The following SON variants were observed in gnomAD, a reference collection of about 807,000 sequenced individuals.
SON encodes the protein SON DNA and RNA binding protein.
In SON, 4 loss-of-function variants were observed where a neutral mutation model predicts 173.3. The ratio of observed to expected loss-of-function variants is 0.02; its 90% CI spans 0.01 to 0.05. The LOEUF is 0.05. SON is among the 10% of genes least tolerant of loss of function. The pLI is 1.00. For missense variants in SON, 2,626 were observed against 3,055.3 expected (o/e 0.86, Z 3.31); for synonymous variants, 1,190 against 1,105.9 (o/e 1.08, Z -1.51).
At position 33,546,315 on chromosome 21, in the gene SON, A is replaced by C; in HGVS notation, c.180A>C (p.Glu60Asp). The change falls in exon 2 of 12, where the codon GAA becomes GAC. Residue 60 changes from glutamate (E) to aspartate (D), a missense_variant. Coordinates refer to ENST00000356577, the MANE Select transcript of SON (RefSeq NM_138927.4). The stretch of plus-strand genomic sequence containing the variant: ...CTGCCAGGAGTCTACCAAATGAAGA[A>C]ATAGTGCAGAAGATAGAGGAAGTAC... ...AASARSLPNE[E>D]IVQKIEEVLS... The C allele has an allele frequency of 6.2e-7, 1 of 1,613,804 alleles. No homozygotes were observed. Among genetic ancestry groups the C allele is most frequent in the Non-Finnish European group, 8.5e-7 (1 of 1,179,822 alleles).
chr21:33,574,580 T>C (rs762653517), intron 9 of SON, among the ~76,000 whole-genome samples: 1 of 152,196 alleles, frequency 6.6e-6, no homozygotes, highest in South Asian at 2.1e-4. Flanking sequence ...CAGAAAACTT[T>C]TTGAATACTG....
chr21:33,556,662 C>G (rs2085972410), intron 3 of SON, among the ~76,000 whole-genome samples: 1 of 148,322 alleles, frequency 6.7e-6, no homozygotes, highest in Non-Finnish European at 1.5e-5. Context: ...TGCAGTGAGC[C>G]AAGATGGCGC....
At chr21:33,557,931 A>G (rs968896486) in intron 4 of SON, 29 of 194,830 alleles carry the variant, frequency 1.5e-4, no homozygotes, top group Non-Finnish European at 2.1e-4. Context: ...GATCTTTTCA[A>G]TTGAGGCTTT....
In SON at chr21:33,551,469, A is replaced by G. The variant is rs1051459874; in HGVS notation, c.2238A>G (p.Leu746=). 6.2e-7 allele frequency: 1 copy of G among 1,614,032 alleles called. No individual in the cohort carries two copies. Among genetic ancestry groups the G allele is most frequent in the African/African-American group, 1.3e-5 (1 of 74,912 alleles). ...CCAACACCATGGACTCCCAGATGCT[A>G]GCATCCAACACCATGGACTCCCAGA... The part of the protein sequence containing the change: ...LASNTMDSQM[L]ASNTMDSQML... Residue 746 remains leucine (L), a synonymous_variant, in exon 3 of 12, where the codon CTA becomes CTG. Coordinates refer to ENST00000356577, the MANE Select transcript of SON (RefSeq NM_138927.4).
chr21:33,551,876 A>G lies in SON; in HGVS notation c.2645A>G (p.Asp882Gly). The G allele has an allele frequency of 6.2e-7, 1 of 1,614,068 alleles. No homozygotes were observed. Among genetic ancestry groups the G allele is most frequent in the Non-Finnish European group, 8.5e-7 (1 of 1,180,006 alleles). Reference protein sequence around the residue: ...DSQMLASGTMDAQMLASGTMD... With the variant: ...DSQMLASGTMGAQMLASGTMD... ...CAAATGTTAGCTTCTGGCACCATGGATGCTCAGATGTTAGCGTCTGGTACC... is the reference window on the plus strand; with the variant it reads ...CAAATGTTAGCTTCTGGCACCATGGGTGCTCAGATGTTAGCGTCTGGTACC... Residue 882 changes from aspartate to glycine, a missense_variant, in exon 3 of 12, where the codon GAT (aspartate) becomes GGT (glycine). Asp to Gly is a moderately conservative substitution (Grantham distance 94, BLOSUM62 -1). Transcript: ENST00000356577.
chr21:33,564,223 T>C lies in SON; in HGVS notation c.6658-2934T>C, dbSNP rs574213534. ...AACGACAGTTAAGATTCTAAAGCTC[T>C]ATTGTCCAATACAGCAGTTACCAGC... On this transcript the variant is annotated intron_variant, in intron 6 of 11. Coordinates refer to ENST00000356577, the MANE Select transcript of SON (RefSeq NM_138927.4). 2.0e-5 allele frequency among the ~76,000 whole-genome samples: 3 copies of C among 152,332 alleles called. No individual in the cohort carries two copies. In the East Asian group the frequency reaches 5.8e-4, roughly 29 times the overall value.
rs751893051 is a variant in SON, at chr21:33,551,973, TAGGTTAGCTCAGGATCCTTAC to T, written c.2760_2780del (p.Ala924_Leu930del). The T allele has an allele frequency of 4.2e-5, 67 of 1,613,770 alleles. No homozygotes were observed. Among genetic ancestry groups the T allele is most frequent in the Non-Finnish European group, 5.2e-5 (61 of 1,179,782 alleles). On this transcript the variant is annotated inframe_deletion, in exon 3 of 12. Transcript: ENST00000356577. ...TGGGTTCAAAATCTCCTGATCCCTA[TAGGTTAGCTCAGGATCCTTAC>T]AGGTTAGCTCAGGATCCCTATAGGT...
At position 33,561,949 on chromosome 21, in the gene SON, A is replaced by G. The variant is rs1055835270; in HGVS notation, c.6657+2174A>G. On this transcript the variant is annotated intron_variant, in intron 6 of 11. Transcript: ENST00000356577. ...CTCTTGTGGGACGATATATGTAACT[A>G]TTTGATATAAAACCTCTTTAAGCTG... Among the ~76,000 whole-genome samples the G allele has an allele frequency of 6.6e-5, 10 of 152,178 alleles. 1 individual carries two copies. Among genetic ancestry groups the G allele is most frequent in the African/African-American group, 2.4e-4 (10 of 41,408 alleles).
In SON at chr21:33,567,203, A is replaced by G. The variant is rs2086191348; in HGVS notation, c.6704A>G (p.Lys2235Arg). 1.9e-6 allele frequency: 3 copies of G among 1,612,616 alleles called. No individual in the cohort carries two copies. In the South Asian group the frequency reaches 3.3e-5, roughly 18 times the overall value. Residue 2235 changes from lysine to arginine, a missense_variant, in exon 7 of 12, where the codon AAA becomes AGA. Lys to Arg is a conservative substitution (Grantham distance 26, BLOSUM62 2). This residue lies in a region of SON where 75 missense variants were observed against 201.6 expected (regional missense o/e 0.37). Transcript: ENST00000356577. ...TAMSERALAQ[K>R]RLSENAFDLE... is the part of the protein sequence containing the mutation. The stretch of plus-strand genomic sequence containing the variant: ...ATGAGTGAACGGGCACTTGCTCAGA[A>G]AAGACTCAGTGAGAATGCATTTGAT...
At position 33,553,190 on chromosome 21, in the gene SON, A is replaced by C; in HGVS notation, c.3959A>C (p.His1320Pro). The change falls in exon 3 of 12, where the codon CAT (histidine) becomes CCT (proline). Residue 1320 changes from histidine (H) to proline (P), a missense_variant. Around this residue, in one of 13 missense-constraint regions of SON, gnomAD observed 1,006 missense variants for 895.6 expected, o/e 1.12. Transcript: ENST00000356577. Reference sequence around the variant, plus strand: ...TTTGATTCCATGAGAGCCTCAGGACATGTTGCCTCAGAAGTATCTACATCC... The same window carrying C: ...TTTGATTCCATGAGAGCCTCAGGACCTGTTGCCTCAGAAGTATCTACATCC... ...ETFDSMRASG[H>P]VASEVSTSLL... 1 of 1,614,150 alleles carries C rather than the reference A, an allele frequency of 6.2e-7. No homozygotes were observed. The highest frequency in any genetic ancestry group is 1.1e-5 in the South Asian group (1 of 91,086).
chr21:33,551,829 A>T lies in SON; in HGVS notation c.2598A>T (p.Leu866Phe). 1 of 1,613,854 alleles carries T rather than the reference A, an allele frequency of 6.2e-7. No homozygotes were observed. Among genetic ancestry groups the T allele is most frequent in the Non-Finnish European group, 8.5e-7 (1 of 1,180,016 alleles). The part of the protein sequence containing the change: ...LATSSMDSQM[L>F]ASGTMDSQML... ...CTAGCTCAATGGATTCCCAGATGTT[A>T]GCATCTGGCACTATGGACTCTCAAA... The change falls in exon 3 of 12, where the codon TTA (leucine) becomes TTT (phenylalanine). Residue 866 changes from leucine (L) to phenylalanine (F), a missense_variant. Leu to Phe is a conservative substitution (Grantham distance 22). Transcript: ENST00000356577.
At position 33,550,617 on chromosome 21, in the gene SON, G is replaced by T. The variant is rs768362575; in HGVS notation, c.1386G>T (p.Gly462=). ...ELPGLPAPSM[G]LEPPQEVPEP... ...CAGGGCTTCCAGCACCATCCATGGGGTTGGAGCCACCACAGGAGGTACCAG... is the reference window on the plus strand; with the variant it reads ...CAGGGCTTCCAGCACCATCCATGGGTTTGGAGCCACCACAGGAGGTACCAG... The change falls in exon 3 of 12, where the codon GGG becomes GGT. Residue 462 remains glycine, a synonymous_variant. Transcript: ENST00000356577. 5 of 1,613,762 alleles carry T rather than the reference G, an allele frequency of 3.1e-6. No individual in the cohort carries two copies. In the East Asian group the frequency reaches 1.1e-4, roughly 36 times the overall value.
In SON at chr21:33,555,201, T is replaced by C. The variant is rs528498338; in HGVS notation, c.5970T>C (p.Arg1990=). The C allele has an allele frequency of 1.5e-4, 229 of 1,565,592 alleles. 2 individuals carry two copies. Among genetic ancestry groups the C allele is most frequent in the Admixed American group, 1.1e-3 (62 of 56,096 alleles). ...GCCGCCGGAGCCGCACCCCTAGCCGTCGGAGCCGCACCCCAAGCCGCCGGA... is the reference window on the plus strand; with the variant it reads ...GCCGCCGGAGCCGCACCCCTAGCCGCCGGAGCCGCACCCCAAGCCGCCGGA... ...TPSRRSRTPS[R]RSRTPSRRRR... Residue 1990 remains arginine (R), a synonymous_variant, in exon 3 of 12, where the codon CGT becomes CGC. Transcript: ENST00000356577.
Position 33,553,525 on chromosome 21 carries a change from A to G in SON, c.4294A>G (p.Ile1432Val), listed in dbSNP as rs2085870578. Residue 1432 changes from isoleucine to valine, a missense_variant, in exon 3 of 12, where the codon ATT becomes GTT. Around this residue, in one of 13 missense-constraint regions of SON, gnomAD observed 1,006 missense variants for 895.6 expected, o/e 1.12. Transcript: ENST00000356577. ...GGTGTCAGTCCTTCAACCTTCTATG[A>G]TTGTTTCAGAACCATCTGTTTCTGT... Reference protein sequence around the residue: ...PAVSVLQPSMIVSEPSVSVQE... With the variant: ...PAVSVLQPSMVVSEPSVSVQE... The G allele has an allele frequency of 6.2e-7, 1 of 1,614,122 alleles. No individual in the cohort carries two copies. The highest frequency in any genetic ancestry group is 1.3e-5 in the African/African-American group (1 of 74,988).
Position 33,552,708 on chromosome 21 carries a change from G to A in SON, c.3477G>A (p.Pro1159=), listed in dbSNP as rs200914194. ...CTGAAGAGCCCCCAACAATGCCACC[G>A]TTGCCACCTGAGGAGCCACCAATGA... The part of the protein sequence containing the change: ...LPPEEPPTMP[P]LPPEEPPMTP... The change falls in exon 3 of 12, where the codon CCG becomes CCA. Residue 1159 remains proline (P), a synonymous_variant. Coordinates refer to ENST00000356577, the MANE Select transcript of SON (RefSeq NM_138927.4). The surrounding 1 kb of genome is among the most constrained non-coding windows in gnomAD (Gnocchi z 5.6). 89 of 1,613,810 alleles carry A rather than the reference G, an allele frequency of 5.5e-5. No individual in the cohort carries two copies. Among genetic ancestry groups the A allele is most frequent in the South Asian group, 1.6e-4 (15 of 91,066 alleles).
In SON at chr21:33,549,805, G is replaced by A. The variant is rs767827716; in HGVS notation, c.574G>A (p.Val192Ile). Residue 192 changes from valine (V) to isoleucine (I), a missense_variant, in exon 3 of 12, where the codon GTA becomes ATA. By Grantham distance (29) the Val-to-Ile change is conservative (BLOSUM62 3). Transcript: ENST00000356577. ...SPAVVLEPPV[V>I]SMEVSEPHIL... ...TGCAGTTGTGCTAGAACCTCCTGTAGTATCAATGGAGGTATCAGAGCCACA... is the reference window on the plus strand; with the variant it reads ...TGCAGTTGTGCTAGAACCTCCTGTAATATCAATGGAGGTATCAGAGCCACA... 1 of 1,614,096 alleles carries A rather than the reference G, an allele frequency of 6.2e-7. No individual in the cohort carries two copies. Among genetic ancestry groups the A allele is most frequent in the Admixed American group, 1.7e-5 (1 of 60,030 alleles).
intron 2 of SON, among the ~76,000 whole-genome samples, chr21:33,547,732 T>TG (rs2085655079): frequency 6.9e-6 from 1 of 144,206 alleles, no homozygotes; most frequent in African/African-American, 2.6e-5. Context: ...TTTTTTTTTT[T>TG]GAGACGGAGT....
chr21:33,554,047 A>G lies in SON; in HGVS notation c.4816A>G (p.Thr1606Ala), dbSNP rs757212275. The G allele has an allele frequency of 7.4e-6, 12 of 1,614,042 alleles. No individual in the cohort carries two copies. Among genetic ancestry groups the G allele is most frequent in the Admixed American group, 3.3e-5 (2 of 60,000 alleles). The change falls in exon 3 of 12, where the codon ACA becomes GCA. Residue 1606 changes from threonine to alanine, a missense_variant. Thr to Ala is a moderately conservative substitution (Grantham distance 58, BLOSUM62 0). This residue lies in a region of SON where 1,006 missense variants were observed against 895.6 expected (regional missense o/e 1.12). Coordinates refer to ENST00000356577, the MANE Select transcript of SON (RefSeq NM_138927.4). The stretch of plus-strand genomic sequence containing the variant: ...TCCTTTTGCTCTGGAACCTGATGCA[A>G]CAGGAACTAGTAAGGGTATTGAATT... ...TGPFALEPDA[T>A]GTSKGIEFTT... is the part of the protein sequence containing the mutation.
chr21:33,552,516 A>G lies in SON; in HGVS notation c.3285A>G (p.Ser1095=), dbSNP rs554664280. ...GTGCTGACCGGTCTATGATGTCGTC[A>G]TACTCTGCTGCTGACCGGTCTATGA... ...SMGADRSMMS[S]YSAADRSMMS... is the part of the protein sequence containing the mutation. Residue 1095 remains serine, a synonymous_variant, in exon 3 of 12, where the codon TCA becomes TCG. Coordinates refer to ENST00000356577, the MANE Select transcript of SON (RefSeq NM_138927.4). This position sits in a 1 kb window ranked among gnomAD's most constrained non-coding sequence, Gnocchi z 5.6. 1.2e-6 allele frequency: 2 copies of G among 1,613,930 alleles called. No individual in the cohort carries two copies. Among genetic ancestry groups the G allele is most frequent in the Admixed American group, 1.7e-5 (1 of 60,000 alleles).
Sources: gnomAD v4.1 joint callset for allele counts (sites outside exome capture counted in the v4.1 genomes callset) on GRCh38, gnomAD v4.1.1 for gene constraint, gnomAD v4.1.1 regional missense constraint, Gnocchi (gnomAD v3.1) non-coding constraint, MANE v1.5 for transcripts, NCBI Gene and HGNC (gene_info 2026-07-23, HGNC 2026-07-21) for gene names.